Variants in QTMAN observed in about 807,000 individuals in gnomAD.
QTMAN encodes tRNA-queuosine alpha-mannosyltransferase.
At chr2:144,062,079 T>G in the QTMAN span, among the ~76,000 whole-genome samples, 1 of 152,218 alleles carries the variant, frequency 6.6e-6, no homozygotes, top group Non-Finnish European at 1.5e-5. Context: ...GAATTTGGGA[T>G]GCACTAGGTG....
At chr2:144,154,216 C>T in the QTMAN span, among the ~76,000 whole-genome samples, 4 of 152,186 alleles carry the variant, frequency 2.6e-5, no homozygotes, top group Admixed American at 2.0e-4. Flanking sequence ...CCAGACTGCT[C>T]TGGCTATACA....
chr2:144,290,741 G>T, the QTMAN span, among the ~76,000 whole-genome samples: 6 of 152,236 alleles, frequency 3.9e-5, no homozygotes, highest in South Asian at 1.2e-3. Context: ...TATCCTCATG[G>T]CTTATTCCCT....
the QTMAN span, among the ~76,000 whole-genome samples, chr2:144,288,185 T>C: frequency 1.3e-5 from 2 of 152,070 alleles, no homozygotes; most frequent in Non-Finnish European, 2.9e-5. Flanking sequence ...ACAATTTATA[T>C]CCAATCCTTT....
At chr2:144,047,042 A>T in the QTMAN span, among the ~76,000 whole-genome samples, 4 of 152,162 alleles carry the variant, frequency 2.6e-5, no homozygotes, top group Admixed American at 6.5e-5. Context: ...AGTCTGAGGC[A>T]GGGACTTCAC....
chr2:144,254,841 G>C, the QTMAN span, among the ~76,000 whole-genome samples: 4 of 152,248 alleles, frequency 2.6e-5, no homozygotes, highest in African/African-American at 7.2e-5. Flanking sequence ...ACCTGGATGT[G>C]AGACATGGAG....
At chr2:144,219,394 G>A in the QTMAN span, among the ~76,000 whole-genome samples, 1 of 151,974 alleles carries the variant, frequency 6.6e-6, no homozygotes, top group Admixed American at 6.6e-5. Flanking sequence ...GCCTCCCAAA[G>A]TGCTGGGATT....
the QTMAN span, among the ~76,000 whole-genome samples, chr2:143,977,562 G>A: frequency 6.6e-6 from 1 of 152,120 alleles, no homozygotes; most frequent in Non-Finnish European, 1.5e-5. Context: ...CTGAGCCATG[G>A]TAGGCATAAA....
chr2:144,248,931 T>C, the QTMAN span, among the ~76,000 whole-genome samples: 2 of 152,186 alleles, frequency 1.3e-5, no homozygotes, highest in Non-Finnish European at 2.9e-5. Flanking sequence ...AGTGTTCAAA[T>C]GTAGACCTTC....
the QTMAN span, among the ~76,000 whole-genome samples, chr2:144,240,383 G>GA: frequency 2.6e-5 from 4 of 151,960 alleles, no homozygotes; most frequent in Admixed American, 2.0e-4. Flanking sequence ...ATCCTATAAA[G>GA]AAAAAATGAC....
At chr2:144,156,367 T>C in the QTMAN span, among the ~76,000 whole-genome samples, 1 of 152,112 alleles carries the variant, frequency 6.6e-6, no homozygotes, top group Non-Finnish European at 1.5e-5. Flanking sequence ...ACTAGCAAAC[T>C]GTACTATGTA....
At chr2:144,163,311 A>G in the QTMAN span, among the ~76,000 whole-genome samples, 7 of 151,872 alleles carry the variant, frequency 4.6e-5, no homozygotes, top group African/African-American at 7.2e-5. Context: ...AAAAATATTA[A>G]CAATAAAACT....
chr2:144,303,418 T>C, the QTMAN span, among the ~76,000 whole-genome samples: 1 of 152,246 alleles, frequency 6.6e-6, no homozygotes, highest in East Asian at 1.9e-4. Context: ...AGGGAGCCAC[T>C]GAAAACTGAA....
At chr2:143,962,870 T>G in the QTMAN span, among the ~76,000 whole-genome samples, 9,652 of 152,180 alleles carry the variant, frequency 0.063, 422 homozygotes, top group South Asian at 0.14. Context: ...TCAGGAAAAA[T>G]AATGTGCATC....
At chr2:144,050,075 T>C in the QTMAN span, among the ~76,000 whole-genome samples, 8 of 152,318 alleles carry the variant, frequency 5.3e-5, no homozygotes, top group Middle Eastern at 3.4e-3. Flanking sequence ...TAATAATACC[T>C]AGATTTCAAA....
At chr2:144,067,454 G>A in the QTMAN span, among the ~76,000 whole-genome samples, 4 of 152,172 alleles carry the variant, frequency 2.6e-5, no homozygotes, top group South Asian at 4.1e-4. Flanking sequence ...AGCATTTAGC[G>A]AGGACAATAA....
the QTMAN span, among the ~76,000 whole-genome samples, chr2:143,971,819 T>C: frequency 3.9e-5 from 6 of 152,270 alleles, no homozygotes; most frequent in East Asian, 5.8e-4. Context: ...AACTGCTATA[T>C]GAAATATGAA....
chr2:144,322,696 C>A, the QTMAN span, among the ~76,000 whole-genome samples: 1 of 152,082 alleles, frequency 6.6e-6, no homozygotes, highest in Non-Finnish European at 1.5e-5. Context: ...TGATACTACA[C>A]CAAAACTTGA....
chr2:144,055,944 GC>G, the QTMAN span, among the ~76,000 whole-genome samples: 1 of 152,140 alleles, frequency 6.6e-6, no homozygotes, highest in Admixed American at 6.5e-5. Flanking sequence ...TTAAATATTG[GC>G]CGCACCACTT....
the QTMAN span, among the ~76,000 whole-genome samples, chr2:144,010,062 CAA>C: frequency 4.1e-4 from 31 of 74,806 alleles, no homozygotes; most frequent in Non-Finnish European, 4.5e-4. Context: ...AAGGATTCAC[CAA>C]AAAAAAAAAA....
Sources: gnomAD v4.1 joint callset for allele counts (sites outside exome capture counted in the v4.1 genomes callset) on GRCh38, gnomAD v4.1.1 for gene constraint, MANE v1.5 for transcripts, NCBI Gene and HGNC (gene_info 2026-07-23, HGNC 2026-07-21) for gene names.